Variants in CYP19A1 observed in about 807,000 individuals in gnomAD.
The protein encoded by CYP19A1 is aromatase.
CYP19A1 carries 32 observed loss-of-function variants against 44.4 expected under a neutral mutation model. The observed-to-expected ratio is 0.72, with a 90% CI of 0.54 to 0.97. CYP19A1 has a LOEUF of 0.97. Ranked by LOEUF, CYP19A1 falls within the 50% of genes least tolerant of loss-of-function variation. The probability of loss-of-function intolerance (pLI) is 0.00; values close to 1 mark genes in which losing one functional copy is unlikely to be tolerated. For missense variants in CYP19A1, 598 were observed against 637.8 expected (o/e 0.94, Z 0.67); for synonymous variants, 212 against 215.6 (o/e 0.98, Z 0.14).
Position 51,218,520 on chromosome 15 carries a change from T to G in CYP19A1, c.743+21A>C, listed in dbSNP as rs975084524. The stretch of plus-strand genomic sequence containing the variant: ...ACCAATCCAATTGTACTCATAAATC[T>G]TCCAAAGTTGTATTACTTACACAGA... On this transcript the variant is annotated intron_variant, in intron 6 of 9. Transcript: ENST00000396402. The G allele has an allele frequency of 3.7e-6, 6 of 1,604,746 alleles. No individual in the cohort carries two copies. The Admixed American group carries it at 1.0e-4, about 27-fold the overall frequency.
intron 1 of CYP19A1, among the ~76,000 whole-genome samples, chr15:51,298,603 A>G (rs2036047537): frequency 2.0e-5 from 3 of 152,006 alleles, no homozygotes. Context: ...TAGCTTGGCC[A>G]TTTTTAGGAT....
chr15:51,224,380 C>T (rs543883188), intron 4 of CYP19A1, among the ~76,000 whole-genome samples: 10 of 152,198 alleles, frequency 6.6e-5, no homozygotes, highest in Non-Finnish European at 1.2e-4. Context: ...AAATGTCAGA[C>T]ACCACAGTGA....
At chr15:51,265,760 C>A (rs1317291385) in intron 1 of CYP19A1, among the ~76,000 whole-genome samples, 1 of 152,218 alleles carries the variant, frequency 6.6e-6, no homozygotes, top group Non-Finnish European at 1.5e-5. Context: ...GTGGCAACAA[C>A]CAGCTGTCCC....
intron 3 of CYP19A1, among the ~76,000 whole-genome samples, chr15:51,232,367 C>T (rs889536969): frequency 1.3e-5 from 2 of 152,168 alleles, no homozygotes; most frequent in African/African-American, 2.4e-5. Flanking sequence ...ATGGATTTTT[C>T]ACCTGGTTTT....
intron 1 of CYP19A1, chr15:51,321,975 A>G (rs550204143): frequency 2.0e-4 from 31 of 152,218 alleles, no homozygotes; most frequent in Admixed American, 1.6e-3. Context: ...TAATAAATAA[A>G]ATTCCTGAGA....
chr15:51,290,088 C>T (rs1025026835), intron 1 of CYP19A1, among the ~76,000 whole-genome samples: 2 of 151,018 alleles, frequency 1.3e-5, no homozygotes, highest in African/African-American at 4.8e-5. Flanking sequence ...CCCTCACTTC[C>T]CTAACTCCTT....
At chr15:51,241,892 C>T (rs2033792308) in intron 2 of CYP19A1, among the ~76,000 whole-genome samples, 1 of 152,132 alleles carries the variant, frequency 6.6e-6, no homozygotes, top group South Asian at 2.1e-4. Flanking sequence ...CCCACTGAGA[C>T]TAGGCCCACC....
chr15:51,272,898 T>A (rs2035178921), intron 1 of CYP19A1, among the ~76,000 whole-genome samples: 1 of 152,160 alleles, frequency 6.6e-6, no homozygotes, highest in African/African-American at 2.4e-5. Context: ...AGGGATTCCA[T>A]AAATGCATAC....
intron 1 of CYP19A1, among the ~76,000 whole-genome samples, chr15:51,250,800 A>AT (rs34508876): frequency 0.27 from 40,619 of 152,042 alleles, 7,753 homozygotes; most frequent in African/African-American, 0.54. Flanking sequence ...AACAGCAGTC[A>AT]TTTTTCTAAG....
intron 1 of CYP19A1, among the ~76,000 whole-genome samples, chr15:51,324,741 G>A (rs754050731): frequency 1.2e-4 from 18 of 152,212 alleles, no homozygotes; most frequent in African/African-American, 4.8e-5. Flanking sequence ...TTTTAGACAG[G>A]TAGAGTAAAT....
chr15:51,208,822 G>A lies in CYP19A1; in HGVS notation c.*1986C>T, dbSNP rs544616589. ...TTGTACCTGCAAAATAGATATCTAT[G>A]TACAGCTATATCAAACATGCATTTC... is the stretch of plus-strand genomic sequence containing the variant. On this transcript the variant is annotated 3_prime_UTR_variant, in exon 10 of 10. Transcript: ENST00000396402. 1.2e-4 allele frequency: 17 copies of A among 139,514 alleles called. No individual in the cohort carries two copies. The highest frequency in any genetic ancestry group is 4.4e-4 in the African/African-American group (16 of 36,702). 8.6% of individuals were successfully genotyped at this position (139,514 alleles called of 1,614,324 possible).
intron 1 of CYP19A1, among the ~76,000 whole-genome samples, chr15:51,257,189 T>C (rs1011577645): frequency 1.3e-5 from 2 of 152,244 alleles, no homozygotes; most frequent in Admixed American, 1.3e-4. Context: ...CTTCACCTTA[T>C]TATATCTAAA....
At chr15:51,220,757 A>G (rs2032000746) in intron 5 of CYP19A1, among the ~76,000 whole-genome samples, 2 of 152,178 alleles carry the variant, frequency 1.3e-5, no homozygotes, top group South Asian at 4.1e-4. Flanking sequence ...TTTCTCTACT[A>G]GCTACTTGGT....
chr15:51,270,997 T>G (rs2035104406), intron 1 of CYP19A1, among the ~76,000 whole-genome samples: 1 of 152,076 alleles, frequency 6.6e-6, no homozygotes, highest in African/African-American at 2.4e-5. Context: ...AGGGTATCAG[T>G]GGCCTCCCTC....
rs1236223988 is a variant in CYP19A1, at chr15:51,228,046, T to C, written c.297-113A>G. ...CAAATGCATGTTGCTCCAAATGCAA[T>C]GTGCATGATTTCTAGTATTCGGGTT... On this transcript the variant is annotated intron_variant, in intron 3 of 9. Coordinates refer to ENST00000396402, the MANE Select transcript of CYP19A1 (RefSeq NM_000103.4). The C allele has an allele frequency of 5.3e-6, 4 of 756,816 alleles. No individual in the cohort carries two copies. In the East Asian group the frequency reaches 9.9e-5, roughly 19 times the overall value. 46.9% of individuals were successfully genotyped at this position (756,816 alleles called of 1,614,324 possible). A position where few individuals can be genotyped will look rare whatever the true frequency, so the allele number is the denominator to read the frequency against.
chr15:51,296,550 T>G (rs2035998794), intron 1 of CYP19A1, among the ~76,000 whole-genome samples: 1 of 152,170 alleles, frequency 6.6e-6, no homozygotes, highest in East Asian at 1.9e-4. Flanking sequence ...CGCGGGAAAC[T>G]CGCTAAAATT....
chr15:51,271,666 A>T (rs961725056), intron 1 of CYP19A1, among the ~76,000 whole-genome samples: 7 of 152,080 alleles, frequency 4.6e-5, no homozygotes, highest in Non-Finnish European at 1.0e-4. Context: ...CTCTTCTCCC[A>T]TATCTACTCA....
intron 3 of CYP19A1, among the ~76,000 whole-genome samples, chr15:51,231,701 C>T (rs913475479): frequency 2.6e-5 from 4 of 152,030 alleles, no homozygotes; most frequent in Admixed American, 6.5e-5. Context: ...CAAGTGGGCC[C>T]TTAGTGTCGC....
At chr15:51,294,188 G>T (rs1205277530) in intron 1 of CYP19A1, among the ~76,000 whole-genome samples, 1 of 135,762 alleles carries the variant, frequency 7.4e-6, no homozygotes. Flanking sequence ...GGAAAGTGAG[G>T]AGCGTCTCTG....
Sources: allele counts gnomAD v4.1 joint callset (sites outside exome capture counted in the v4.1 genomes callset), GRCh38; gene constraint gnomAD v4.1.1; transcripts MANE v1.5; gene names NCBI Gene and HGNC (gene_info 2026-07-23, HGNC 2026-07-21).